The following OTUD7A variants were observed in gnomAD, a reference collection of about 807,000 sequenced individuals.
The protein encoded by OTUD7A is OTU domain-containing protein 7A.
OTUD7A carries 12 observed loss-of-function variants against 65.7 expected under a neutral mutation model. That is an observed-to-expected ratio of 0.18 (90% CI 0.12 to 0.30). The LOEUF is 0.30. OTUD7A is among the 10% of genes least tolerant of loss of function. The probability of loss-of-function intolerance (pLI) is 1.00; values close to 1 mark genes in which losing one functional copy is unlikely to be tolerated. For missense variants in OTUD7A, 1,148 were observed against 1,304.8 expected (o/e 0.88, Z 1.85); for synonymous variants, 641 against 586.3 (o/e 1.09, Z -1.35).
chr15:31,476,192 A>T lies in OTUD7A; in HGVS notation c.*7102T>A, dbSNP rs2041014951. ...GCCTTTCCCACCTGGGGGCCCAGGG[A>T]AGACAAGCTCCTACTGAACGGTGAC... On this transcript the variant is annotated 3_prime_UTR_variant, in exon 13 of 13. Transcript: ENST00000307050. 6.6e-6 allele frequency: 1 copy of T among 152,260 alleles called. No homozygotes were observed. The highest frequency in any genetic ancestry group is 2.4e-5 in the African/African-American group (1 of 41,458). 9.4% of individuals were successfully genotyped at this position (152,260 alleles called of 1,614,324 possible). A position where few individuals can be genotyped will look rare whatever the true frequency, so the allele number is the denominator to read the frequency against.
chr15:31,869,796 C>T (rs1897976952), intron 1 of OTUD7A, among the ~76,000 whole-genome samples: 1 of 152,132 alleles, frequency 6.6e-6, no homozygotes, highest in Non-Finnish European at 1.5e-5. Flanking sequence ...GCGGTTGTGT[C>T]CAATGAAGGA....
intron 1 of OTUD7A, among the ~76,000 whole-genome samples, chr15:31,860,763 T>C (rs1897719312): frequency 6.9e-6 from 1 of 145,878 alleles, no homozygotes; most frequent in Non-Finnish European, 1.5e-5. Context: ...TGGAGTGCAG[T>C]GGTGCAATCT....
chr15:31,729,790 C>T (rs1229274578), intron 1 of OTUD7A, among the ~76,000 whole-genome samples: 2 of 152,302 alleles, frequency 1.3e-5, no homozygotes, highest in South Asian at 2.1e-4. Flanking sequence ...TAGCCTCCTG[C>T]TCGTTGTCAG....
At chr15:31,668,878 C>T (rs2338901) in intron 1 of OTUD7A, among the ~76,000 whole-genome samples, 1 of 152,208 alleles carries the variant, frequency 6.6e-6, no homozygotes, top group Non-Finnish European at 1.5e-5. Context: ...TTTCCTATAA[C>T]TGTGGCTTCC....
chr15:31,738,623 G>A (rs183105529), intron 1 of OTUD7A, among the ~76,000 whole-genome samples: 2 of 152,266 alleles, frequency 1.3e-5, no homozygotes, highest in Admixed American at 6.5e-5. Context: ...TGCTGCCTCC[G>A]CTGATAGGGC....
intron 8 of OTUD7A, among the ~76,000 whole-genome samples, chr15:31,508,146 TAGAG>T (rs780560211): frequency 2.8e-4 from 43 of 152,216 alleles, no homozygotes; most frequent in Admixed American, 5.2e-4. Context: ...AAGGAAGTAA[TAGAG>T]AAAGTATATG....
intron 1 of OTUD7A, among the ~76,000 whole-genome samples, chr15:31,708,169 C>A (rs1385511516): frequency 6.6e-6 from 1 of 151,740 alleles, no homozygotes; most frequent in Non-Finnish European, 1.5e-5. Flanking sequence ...TGAGATGACA[C>A]AAGACACTTT....
intron 1 of OTUD7A, among the ~76,000 whole-genome samples, chr15:31,806,865 G>A (rs1046372523): frequency 1.3e-5 from 2 of 152,340 alleles, no homozygotes; most frequent in African/African-American, 4.8e-5. Flanking sequence ...CATCCACTAT[G>A]GACATGTGGT....
chr15:31,603,103 A>T lies in OTUD7A; in HGVS notation c.152-32906T>A, dbSNP rs1170062769. Among the ~76,000 whole-genome samples, 5 of 152,246 alleles carry T rather than the reference A, an allele frequency of 3.3e-5. No individual in the cohort carries two copies. The South Asian group carries it at 6.2e-4, about 19-fold the overall frequency. ...ATTGGAAAAAACTACTTTAAACTTC[A>T]TATGGAACCAAAAAAGAGCCCACAT... is the stretch of plus-strand genomic sequence containing the variant. On this transcript the variant is annotated intron_variant, in intron 3 of 12. Transcript: ENST00000307050.
chr15:31,495,055 C>T (rs2041364163), intron 10 of OTUD7A, among the ~76,000 whole-genome samples: 1 of 152,050 alleles, frequency 6.6e-6, no homozygotes, highest in South Asian at 2.1e-4. Context: ...GGTGGGGGAT[C>T]CAGGTGTCTG....
intron 5 of OTUD7A, among the ~76,000 whole-genome samples, chr15:31,533,871 T>C (rs931657438): frequency 1.1e-4 from 17 of 152,204 alleles, no homozygotes; most frequent in Admixed American, 4.6e-4. Context: ...TGAATAAATA[T>C]TTAAAACAAT....
chr15:31,615,912 T>C (rs1321829301), intron 3 of OTUD7A, among the ~76,000 whole-genome samples: 1 of 152,220 alleles, frequency 6.6e-6, no homozygotes, highest in Non-Finnish European at 1.5e-5. Flanking sequence ...ATGGGAGGTC[T>C]GTCAGGCACT....
intron 1 of OTUD7A, among the ~76,000 whole-genome samples, chr15:31,854,742 C>A (rs1897522329): frequency 6.6e-6 from 1 of 151,658 alleles, no homozygotes; most frequent in Non-Finnish European, 1.5e-5. Flanking sequence ...GTAACATATT[C>A]ACAGGTTTGG....
At chr15:31,540,819 C>G (rs1887965226) in intron 5 of OTUD7A, among the ~76,000 whole-genome samples, 1 of 152,152 alleles carries the variant, frequency 6.6e-6, no homozygotes, top group African/African-American at 2.4e-5. Context: ...AGAGTAAGCA[C>G]AACTGCTCTG....
At chr15:31,548,843 A>G (rs1888222532) in intron 5 of OTUD7A, among the ~76,000 whole-genome samples, 1 of 152,142 alleles carries the variant, frequency 6.6e-6, no homozygotes, top group Admixed American at 6.5e-5. Flanking sequence ...AGCCATCAAG[A>G]GTAGAATTCT....
intron 1 of OTUD7A, among the ~76,000 whole-genome samples, chr15:31,663,753 A>G (rs1443325241): frequency 6.6e-6 from 1 of 151,768 alleles, no homozygotes; most frequent in African/African-American, 2.4e-5. Context: ...GCGATTTTTG[A>G]GATTTTGGTG....
intron 1 of OTUD7A, among the ~76,000 whole-genome samples, chr15:31,811,970 A>T (rs139430222): frequency 9.2e-4 from 140 of 152,316 alleles, no homozygotes; most frequent in African/African-American, 3.3e-3. Context: ...GACCTGAGAG[A>T]GGACTGAGGC....
At chr15:31,735,163 T>G (rs1894152736) in intron 1 of OTUD7A, among the ~76,000 whole-genome samples, 1 of 152,204 alleles carries the variant, frequency 6.6e-6, no homozygotes, top group Non-Finnish European at 1.5e-5. Context: ...CACTGATCAT[T>G]AAAGACATGC....
At chr15:31,628,883 GCTCT>G (rs1268542164) in intron 3 of OTUD7A, among the ~76,000 whole-genome samples, 3 of 152,090 alleles carry the variant, frequency 2.0e-5, no homozygotes, top group Admixed American at 1.3e-4. Context: ...TCATGATTTG[GCTCT>G]CTGTTTGTCT....
Sources: allele counts gnomAD v4.1 joint callset (sites outside exome capture counted in the v4.1 genomes callset), GRCh38; gene constraint gnomAD v4.1.1; transcripts MANE v1.5; gene names NCBI Gene and HGNC (gene_info 2026-07-23, HGNC 2026-07-21).